The following PDE4D variants were observed in gnomAD, a reference collection of about 807,000 sequenced individuals.
PDE4D encodes 3',5'-cyclic-AMP phosphodiesterase 4D.
Under a neutral mutation model 87.4 loss-of-function variants are expected in PDE4D, and 24 were observed. That is an observed-to-expected ratio of 0.27 (90% confidence interval 0.20 to 0.39). The LOEUF (loss-of-function observed/expected upper bound fraction) is 0.39. Ranked by LOEUF, PDE4D falls within the 10% of genes least tolerant of loss-of-function variation. PDE4D has a pLI of 1.00. For synonymous variants in PDE4D, 384 were observed against 383.2 expected (o/e 1.00, Z -0.02); for missense variants, 714 against 1,041.0 (o/e 0.69, Z 4.32).
At chr5:59,844,871 C>A (rs191235213) in intron 1 of PDE4D, among the ~76,000 whole-genome samples, 1 of 152,036 alleles carries the variant, frequency 6.6e-6, no homozygotes, top group African/African-American at 2.4e-5. Flanking sequence ...GTGGGCCTGA[C>A]TGAATCAGAA....
chr5:60,493,224 G>T (rs1407943109), intron 1 of PDE4D, among the ~76,000 whole-genome samples: 1 of 152,094 alleles, frequency 6.6e-6, no homozygotes, highest in East Asian at 1.9e-4. Flanking sequence ...GTTTAGACTA[G>T]TTTAAACATT....
At chr5:59,039,136 C>G in intron 5 of PDE4D, 165 bp from the exon 6 acceptor site, 1 of 1,356,838 alleles carries the variant, frequency 7.4e-7, no homozygotes, top group African/African-American at 1.5e-5. Context: ...GCAACGGGGG[C>G]GGAGGCTGTG....
At chr5:60,475,823 G>GAAAAAAAAAAAAAAA (rs397792795) in intron 1 of PDE4D, among the ~76,000 whole-genome samples, 1 of 95,064 alleles carries the variant, frequency 1.1e-5, no homozygotes, top group Non-Finnish European at 2.2e-5. Context: ...TCTGTTAAAT[G>GAAAAAAAAAAAAAAA]AAAAAAAAAA....
intron 2 of PDE4D, among the ~76,000 whole-genome samples, chr5:60,040,745 G>A (rs1401919781): frequency 6.6e-6 from 1 of 152,058 alleles, no homozygotes; most frequent in Non-Finnish European, 1.5e-5. Context: ...TACTGCCTCT[G>A]TCCATTCCCT....
chr5:60,403,504 G>A (rs1741264140), intron 1 of PDE4D, among the ~76,000 whole-genome samples: 1 of 152,188 alleles, frequency 6.6e-6, no homozygotes, highest in South Asian at 2.1e-4. Context: ...ATTCAGTAGG[G>A]ACAGAAAAGA....
intron 1 of PDE4D, among the ~76,000 whole-genome samples, chr5:59,489,619 T>C (rs1186462830): frequency 6.6e-6 from 1 of 152,230 alleles, no homozygotes; most frequent in Admixed American, 6.5e-5. Flanking sequence ...ATTGTCTTTA[T>C]GGCTTCAATG....
chr5:60,127,507 A>G (rs1779218707), intron 2 of PDE4D: 2 of 418,636 alleles, frequency 4.8e-6, no homozygotes, highest in South Asian at 1.6e-4. Context: ...CGGCCCCGGG[A>G]AAGATGAAGA....
At chr5:59,965,645 C>T (rs1316830832) in intron 3 of PDE4D, among the ~76,000 whole-genome samples, 1 of 152,154 alleles carries the variant, frequency 6.6e-6, no homozygotes, top group African/African-American at 2.4e-5. Context: ...CCTTGGCCCC[C>T]TCCCTGCCAC....
rs184528821 is a variant in PDE4D at position 59,187,976 on chromosome 5, T to C, written c.685-2714A>G. ...CACTGTTATCACTGTGTTAGTCTTT[T>C]AAGCTTTCACTTTGCATTGCAGGGC... On this transcript the variant is annotated intron_variant, in intron 3 of 14. Coordinates refer to ENST00000340635, the MANE Select transcript of PDE4D (RefSeq NM_001104631.2). Among the ~76,000 whole-genome samples, 383 of 152,294 alleles carry C rather than the reference T, an allele frequency of 2.5e-3. 2 individuals are homozygous for C. The highest frequency in any genetic ancestry group is 8.7e-3 in the African/African-American group (363 of 41,576).
intron 2 of PDE4D, among the ~76,000 whole-genome samples, chr5:60,112,486 T>C (rs1055839639): frequency 2.0e-5 from 3 of 152,100 alleles, no homozygotes; most frequent in Non-Finnish European, 2.9e-5. Flanking sequence ...TTTGGTCACC[T>C]TGATTCCATA....
In PDE4D at chr5:60,005,836, A is replaced by G. The variant is rs997403024; in HGVS notation, c.43-17119T>C. On this transcript the variant is annotated intron_variant, in intron 2 of 16. Coordinates refer to the PDE4D transcript ENST00000502484. ...TAAGATGTATGACCCAGTTTTTTTA[A>G]AAGGGTGCAGAGAGAAAGGATAGAA... is the stretch of plus-strand genomic sequence containing the variant. Among the ~76,000 whole-genome samples, 7 of 152,006 alleles carry G rather than the reference A, an allele frequency of 4.6e-5. No homozygotes were observed. The South Asian group carries it at 1.2e-3, about 27-fold the overall frequency.
chr5:59,658,728 C>A (rs1744774937), intron 1 of PDE4D, among the ~76,000 whole-genome samples: 1 of 152,118 alleles, frequency 6.6e-6, no homozygotes, highest in Non-Finnish European at 1.5e-5. Flanking sequence ...CAGCAGTCAA[C>A]AAATATACAT....
intron 1 of PDE4D, among the ~76,000 whole-genome samples, chr5:60,332,977 G>A (rs1757437037): frequency 6.6e-6 from 1 of 152,178 alleles, no homozygotes; most frequent in Admixed American, 6.5e-5. Flanking sequence ...CATATGCAAA[G>A]CTTGGTGCAA....
intron 1 of PDE4D, among the ~76,000 whole-genome samples, chr5:60,300,973 G>C (rs1343442407): frequency 6.6e-6 from 1 of 152,118 alleles, no homozygotes; most frequent in Non-Finnish European, 1.5e-5. Flanking sequence ...GTTTCTCCAT[G>C]TTGGTCAGGG....
chr5:60,172,001 CTTTAG>C (rs1783477466), intron 2 of PDE4D, among the ~76,000 whole-genome samples: 1 of 150,304 alleles, frequency 6.7e-6, no homozygotes, highest in Non-Finnish European at 1.5e-5. Context: ...CCTTTGTGTA[CTTTAG>C]TTTGTTTATC....
At chr5:59,710,679 C>A (rs1167946892) in intron 1 of PDE4D, among the ~76,000 whole-genome samples, 1 of 151,982 alleles carries the variant, frequency 6.6e-6, no homozygotes, top group Non-Finnish European at 1.5e-5. Flanking sequence ...CCTGATTAAC[C>A]TTTTAGGAGA....
chr5:59,767,372 T>C (rs1762931649), intron 1 of PDE4D, among the ~76,000 whole-genome samples: 1 of 152,166 alleles, frequency 6.6e-6, no homozygotes, highest in African/African-American at 2.4e-5. Flanking sequence ...CCCTAGTACT[T>C]GGACTCACTG....
At chr5:59,630,257 G>T (rs949190472) in intron 1 of PDE4D, among the ~76,000 whole-genome samples, 2 of 152,174 alleles carry the variant, frequency 1.3e-5, no homozygotes. Flanking sequence ...GTGATGTAAA[G>T]TCTACAGTAC....
intron 2 of PDE4D, among the ~76,000 whole-genome samples, chr5:60,172,148 A>G (rs1001523750): frequency 3.2e-4 from 47 of 147,634 alleles, no homozygotes; most frequent in Admixed American, 1.2e-3. Flanking sequence ...ATATATATAC[A>G]CACACATGTT....
Sources: gnomAD v4.1 joint callset for allele counts (sites outside exome capture counted in the v4.1 genomes callset) on GRCh38, gnomAD v4.1.1 for gene constraint, MANE v1.5 for transcripts, NCBI Gene and HGNC (gene_info 2026-07-23, HGNC 2026-07-21) for gene names.